The following PSMD8 variants were observed in gnomAD, a reference collection of about 807,000 sequenced individuals.
PSMD8 encodes the protein 26S proteasome non-ATPase regulatory subunit 8.
In PSMD8, 30 loss-of-function variants were observed where a neutral mutation model predicts 40.0. The ratio of observed to expected loss-of-function variants is 0.75; its 90% CI spans 0.56 to 1.02. The LOEUF (loss-of-function observed/expected upper bound fraction) is 1.02, where lower values mean the gene tolerates loss of function less well. Ranked by LOEUF, PSMD8 falls within the 50% of genes least tolerant of loss-of-function variation. PSMD8 has a pLI of 0.00. For synonymous variants in PSMD8, 208 were observed against 192.5 expected, an observed-to-expected ratio of 1.08 and a Z score of -0.67; for missense variants, 461 against 463.9, an observed-to-expected ratio of 0.99 and a Z score of 0.06.
chr19:38,382,619 G>A, intron 6 of PSMD8: 1 of 399,716 alleles, frequency 2.5e-6, no homozygotes, highest in Non-Finnish European at 4.5e-6. Context: ...GCTGGGTGCA[G>A]TGGCTCCCGC....
At position 38,382,116 on chromosome 19, in the gene PSMD8, G is replaced by T; in HGVS notation, c.804-1G>T. On this transcript the variant is annotated splice_acceptor_variant, in intron 5 of 6. Transcript: ENST00000215071. LOFTEE classifies it high-confidence loss of function. Reference sequence around the variant, plus strand: ...ATGAGGAGCTTCTCATCTTCCCCCAGGGATGAGATCGCTGGGTGCATCGAG... The same window carrying T: ...ATGAGGAGCTTCTCATCTTCCCCCATGGATGAGATCGCTGGGTGCATCGAG... 2 of 1,561,048 alleles carry T rather than the reference G, an allele frequency of 1.3e-6. No homozygotes were observed. Among genetic ancestry groups the T allele is most frequent in the East Asian group, 2.4e-5 (1 of 41,810 alleles).
intron 4 of PSMD8, among the ~76,000 whole-genome samples, chr19:38,380,660 G>T (rs1315086122): frequency 6.6e-6 from 1 of 150,976 alleles, no homozygotes; most frequent in African/African-American, 2.4e-5. Flanking sequence ...AGCAGGCTTG[G>T]GGGGAGGGAG....
In PSMD8 at chr19:38,374,642, A is replaced by G; in HGVS notation, c.41A>G (p.Glu14Gly). 1 of 1,514,232 alleles carries G rather than the reference A, an allele frequency of 6.6e-7. No homozygotes were observed. 93.8% of individuals were successfully genotyped at this position (1,514,232 alleles called of 1,614,324 possible). The stretch of plus-strand genomic sequence containing the variant: ...AGGGCTCCGAGGGCGCCACCTCGAG[A>G]GCGACGGCGGGCTACCCGGGGCGGG... ...KGRAPRAPPRERRRATRGGLR... is the reference protein window; with the variant it reads ...KGRAPRAPPRGRRRATRGGLR... Residue 14 changes from glutamate (E) to glycine (G), a missense_variant, in exon 1 of 7, where the codon GAG becomes GGG. Physicochemically the swap from Glu to Gly is moderately conservative, Grantham distance 98. Coordinates refer to ENST00000215071, the MANE Select transcript of PSMD8 (RefSeq NM_002812.5).
At chr19:38,375,070 G>C in intron 1 of PSMD8, 109 bp downstream of exon 1, 1 of 1,474,956 alleles carries the variant, frequency 6.8e-7, no homozygotes. Context: ...GTGCCAGCGA[G>C]ACTGAGGCGG....
In PSMD8 at chr19:38,377,307, G is replaced by A. The variant is rs566207351; in HGVS notation, c.536+853G>A. Reference sequence around the variant, plus strand: ...GGGCTCAAGCGGTACTCCTACCTTAGCCTCTCAAGTAGCTAGGGCTACAGG... The same window carrying A: ...GGGCTCAAGCGGTACTCCTACCTTAACCTCTCAAGTAGCTAGGGCTACAGG... On this transcript the variant is annotated intron_variant, in intron 3 of 6. Coordinates refer to ENST00000215071, the MANE Select transcript of PSMD8 (RefSeq NM_002812.5). Among the ~76,000 whole-genome samples, 30 of 151,798 alleles carry A rather than the reference G, an allele frequency of 2.0e-4. 1 individual carries two copies. The highest frequency in any genetic ancestry group is 9.8e-4 in the Admixed American group (15 of 15,256).
chr19:38,380,933 T>C lies in PSMD8; in HGVS notation c.737T>C (p.Leu246Pro), dbSNP rs1162953140. Reference protein sequence around the residue: ...LMEGSYNKVFLAKGNIPAESY... With the variant: ...LMEGSYNKVFPAKGNIPAESY... ...GAGGGCAGCTACAACAAAGTGTTCCTGGCCAAGGGTAACATCCCCGCCGAG... is the reference window on the plus strand; with the variant it reads ...GAGGGCAGCTACAACAAAGTGTTCCCGGCCAAGGGTAACATCCCCGCCGAG... Residue 246 changes from leucine to proline, a missense_variant, in exon 5 of 7, where the codon CTG becomes CCG. This residue lies in a region of PSMD8 where 236 missense variants were observed against 321.2 expected (regional missense o/e 0.73). Transcript: ENST00000215071. The C allele has an allele frequency of 1.3e-6, 2 of 1,574,306 alleles. No individual in the cohort carries two copies. The highest frequency in any genetic ancestry group is 1.7e-6 in the Non-Finnish European group (2 of 1,158,812).
intron 4 of PSMD8, among the ~76,000 whole-genome samples, 176 bp from the exon 5 acceptor site, chr19:38,380,723 T>TGTGTGTGAGCGCGCGCGTGCGCGC (rs575195574): frequency 6.9e-6 from 1 of 143,896 alleles, no homozygotes; most frequent in East Asian, 2.2e-4. Context: ...TGTGTGTGTG[T>TGTGTGTGAGCGCGCGCGTGCGCGC]GTGTGTGCGC....
chr19:38,382,320 C>T (rs1478130003), intron 6 of PSMD8, 92 bp downstream of exon 6: 1 of 1,009,780 alleles, frequency 9.9e-7, no homozygotes, highest in Non-Finnish European at 1.5e-6. Flanking sequence ...TGGAACAAGA[C>T]TGCCCAGGTT....
At chr19:38,376,608 G>A (rs1478089099) in intron 3 of PSMD8, among the ~76,000 whole-genome samples, 154 bp downstream of exon 3, 2 of 152,268 alleles carry the variant, frequency 1.3e-5, no homozygotes. Flanking sequence ...TTGGCTTGGA[G>A]GTCCTGAGAC....
intron 1 of PSMD8, chr19:38,375,301 T>G: frequency 7.2e-6 from 2 of 279,018 alleles, no homozygotes; most frequent in South Asian, 3.5e-5. Flanking sequence ...AAGTGAGAGA[T>G]GACTGGAATG....
At chr19:38,383,224 A>C in intron 6 of PSMD8, 29 bp from the exon 7 acceptor site, 1 of 1,611,676 alleles carries the variant, frequency 6.2e-7, no homozygotes, top group Non-Finnish European at 8.5e-7. Context: ...TGATCACTCT[A>C]CTCGTCTCTA....
At position 38,380,925 on chromosome 19, in the gene PSMD8, A is replaced by G. The variant is rs141504927; in HGVS notation, c.729A>G (p.Lys243=). 2.6e-4 allele frequency: 415 copies of G among 1,580,968 alleles called. 1 individual carries two copies. In the African/African-American group the frequency reaches 5.0e-3, roughly 19 times the overall value. ...ACCTGATGGAGGGCAGCTACAACAA[A>G]GTGTTCCTGGCCAAGGGTAACATCC... ...EQYLMEGSYN[K]VFLAKGNIPA... is the part of the protein sequence containing the mutation. Residue 243 remains lysine, a synonymous_variant, in exon 5 of 7, where the codon AAA becomes AAG. Transcript: ENST00000215071.
intron 1 of PSMD8, among the ~76,000 whole-genome samples, chr19:38,375,906 C>T (rs1170394087): frequency 6.6e-6 from 1 of 152,220 alleles, no homozygotes; most frequent in African/African-American, 2.4e-5. Context: ...CGTGATTCCA[C>T]TGGGTCAGGC....
At chr19:38,377,162 C>T (rs755349092) in intron 3 of PSMD8, among the ~76,000 whole-genome samples, 5 of 152,202 alleles carry the variant, frequency 3.3e-5, no homozygotes, top group Non-Finnish European at 7.3e-5. Context: ...TCTCAGTTTC[C>T]CTGTTAAAGT....
chr19:38,379,976 A>G (rs528739548), intron 4 of PSMD8, among the ~76,000 whole-genome samples: 3 of 152,176 alleles, frequency 2.0e-5, no homozygotes, highest in Admixed American at 1.3e-4. Flanking sequence ...AAAATAAATG[A>G]ATAAAAACAT....
chr19:38,379,147 A>C, intron 3 of PSMD8, 93 bp from the exon 4 acceptor site: 1 of 1,304,008 alleles, frequency 7.7e-7, no homozygotes, highest in Non-Finnish European at 1.1e-6. Context: ...AGGAAGATGC[A>C]TGGGGCGTTG....
Position 38,382,218 on chromosome 19 carries a change from AC to A in PSMD8, c.906del (p.Tyr302Ter). On this transcript the variant is annotated frameshift_variant, in exon 6 of 7. Transcript: ENST00000215071. LOFTEE classifies it high-confidence loss of function. ...AACACACCCAAAAAGATGACAGACT[AC>A]GCCAAGAAGGTGGCTGGGGTACAGG... ...FFNTPKKMTD[Y>X]AKKRGWVLGP... 1.1e-5 allele frequency: 18 copies of A among 1,589,576 alleles called. No homozygotes were observed. Among genetic ancestry groups the A allele is most frequent in the Non-Finnish European group, 1.5e-5 (18 of 1,168,442 alleles).
At chr19:38,375,325 G>A (rs1006985529) in intron 1 of PSMD8, 3 of 262,768 alleles carry the variant, frequency 1.1e-5, no homozygotes, top group African/African-American at 2.3e-5. Context: ...CCACGCGGGG[G>A]TGGTGGGGGA....
intron 1 of PSMD8, 136 bp from the exon 2 acceptor site, chr19:38,376,024 T>C (rs1970594723): frequency 2.4e-6 from 2 of 849,622 alleles, no homozygotes; most frequent in Non-Finnish European, 1.9e-6. Context: ...GAGTGCTTTA[T>C]GAGAAAGCAT....
Sources: allele counts gnomAD v4.1 joint callset (sites outside exome capture counted in the v4.1 genomes callset), GRCh38; gene constraint gnomAD v4.1.1; regional missense constraint gnomAD v4.1.1; transcripts MANE v1.5; gene names NCBI Gene and HGNC (gene_info 2026-07-23, HGNC 2026-07-21).